PPFIBP1: variants seen among roughly 807,000 people sequenced by gnomAD.
The protein encoded by PPFIBP1 is PPFIB scaffold protein 1, also known as liprin-beta-1.
PPFIBP1 carries 112 observed loss-of-function variants against 137.8 expected under a neutral mutation model. The observed-to-expected ratio is 0.81, with a 90% confidence interval of 0.70 to 0.95. PPFIBP1 has a LOEUF of 0.95. PPFIBP1 is among the 40% of genes least tolerant of loss of function. PPFIBP1 has a pLI of 0.00. For synonymous variants in PPFIBP1, 378 were observed against 417.3 expected (o/e 0.91, Z 1.15); for missense variants, 1,083 against 1,196.6 (o/e 0.91, Z 1.40).
intron 2 of PPFIBP1, among the ~76,000 whole-genome samples, chr12:27,632,516 A>G (rs2057335380): frequency 6.6e-6 from 1 of 152,216 alleles, no homozygotes; most frequent in South Asian, 2.1e-4. Context: ...TTATCTCAAT[A>G]TATCTTTTAA....
Position 27,647,717 on chromosome 12 carries a change from C to A in PPFIBP1, c.358-12C>A. 1 of 1,550,184 alleles carries A rather than the reference C, an allele frequency of 6.5e-7. No individual in the cohort carries two copies. Among genetic ancestry groups the A allele is most frequent in the Non-Finnish European group, 8.7e-7 (1 of 1,146,024 alleles). ...CTTTTTCACTCATTGCATTATTTTG[C>A]TCTAAATACAGGTAAGTGTGTTAAC... On this transcript the variant is annotated splice_polypyrimidine_tract_variant and intron_variant, in intron 5 of 29. Transcript: ENST00000228425.
At chr12:27,647,684 C>T (rs1183994093) in intron 5 of PPFIBP1, 45 bp from the exon 6 acceptor site, 24 of 1,234,518 alleles carry the variant, frequency 1.9e-5, no homozygotes, top group Non-Finnish European at 2.6e-5. Context: ...TGCAGTGGGA[C>T]CCAAATTCTT....
At chr12:27,578,390 C>T (rs2050746716) in intron 2 of PPFIBP1, among the ~76,000 whole-genome samples, 151 bp downstream of exon 2, 1 of 152,168 alleles carries the variant, frequency 6.6e-6, no homozygotes, top group East Asian at 1.9e-4. Context: ...ATCTGCTCGC[C>T]CTTTTAAAAC....
rs1317340101 is a variant in PPFIBP1 at position 27,649,870 on chromosome 12, A to T, written c.472-140A>T. 1.9e-5 allele frequency: 15 copies of T among 793,032 alleles called. 1 individual carries two copies. In the Admixed American group the frequency reaches 3.6e-4, roughly 19 times the overall value. 49.1% of individuals were successfully genotyped at this position (793,032 alleles called of 1,614,324 possible). On this transcript the variant is annotated intron_variant, in intron 6 of 29. Coordinates refer to ENST00000228425, the MANE Select transcript of PPFIBP1 (RefSeq NM_003622.4). ...CCCAGCCTCAAGTGAATAATTTTTTAAAAGTGTGTAGATTCAGTAATTATA... is the reference window on the plus strand; with the variant it reads ...CCCAGCCTCAAGTGAATAATTTTTTTAAAGTGTGTAGATTCAGTAATTATA...
chr12:27,612,704 A>G (rs1419168816), intron 2 of PPFIBP1, among the ~76,000 whole-genome samples: 1 of 152,098 alleles, frequency 6.6e-6, no homozygotes, highest in Admixed American at 6.6e-5. Context: ...GTCATGTGCT[A>G]ATGTGACTGC....
intron 2 of PPFIBP1, among the ~76,000 whole-genome samples, chr12:27,587,212 A>G (rs2051870834): frequency 6.6e-6 from 1 of 152,216 alleles, no homozygotes; most frequent in Non-Finnish European, 1.5e-5. Flanking sequence ...GCGAGAATGA[A>G]TGAAGGAGTC....
At chr12:27,627,686 G>A (rs1029135921) in intron 2 of PPFIBP1, among the ~76,000 whole-genome samples, 33 of 152,224 alleles carry the variant, frequency 2.2e-4, no homozygotes, top group African/African-American at 7.9e-4. Context: ...AAATTATGGT[G>A]TCCTGCCAAT....
chr12:27,596,606 C>A lies in PPFIBP1; in HGVS notation c.-36+18367C>A, dbSNP rs1320558672. ...ATGCCATCATAACTCACTGCAGCCT[C>A]AAACTCCTGGCCTCAAGCAAACTTC... On this transcript the variant is annotated intron_variant, in intron 2 of 29. Coordinates refer to ENST00000228425, the MANE Select transcript of PPFIBP1 (RefSeq NM_003622.4). Among the ~76,000 whole-genome samples, 7 of 152,304 alleles carry A rather than the reference C, an allele frequency of 4.6e-5. No individual in the cohort carries two copies. In the East Asian group the frequency reaches 7.7e-4, roughly 17 times the overall value.
At chr12:27,546,981 G>A (rs964426108) in intron 1 of PPFIBP1, 3 of 152,412 alleles carry the variant, frequency 2.0e-5, no homozygotes, top group South Asian at 4.1e-4. Context: ...CAGCCTGGGA[G>A]ACAGAGTGAG....
chr12:27,543,092 A>T (rs1945841593), intron 1 of PPFIBP1, among the ~76,000 whole-genome samples: 1 of 152,198 alleles, frequency 6.6e-6, no homozygotes, highest in Non-Finnish European at 1.5e-5. Context: ...GTTAGATTTG[A>T]TGGGTCTTTA....
At chr12:27,630,371 CTT>C (rs2057174851) in intron 2 of PPFIBP1, among the ~76,000 whole-genome samples, 1 of 152,052 alleles carries the variant, frequency 6.6e-6, no homozygotes. Context: ...TGAATTAACA[CTT>C]ATCATTGTAA....
intron 27 of PPFIBP1, 106 bp downstream of exon 27, chr12:27,689,309 G>A (rs1282706614): frequency 2.8e-6 from 3 of 1,071,166 alleles, no homozygotes; most frequent in Non-Finnish European, 3.9e-6. Flanking sequence ...TTGTGGGTGG[G>A]TTCCTTACCA....
chr12:27,595,921 ATT>A (rs2053234896), intron 2 of PPFIBP1, among the ~76,000 whole-genome samples: 1 of 132,274 alleles, frequency 7.6e-6, no homozygotes, highest in African/African-American at 2.7e-5. Flanking sequence ...ATATATATAT[ATT>A]TTATGCCCAT....
chr12:27,676,939 C>G lies in PPFIBP1; in HGVS notation c.1583-125C>G. On this transcript the variant is annotated intron_variant, in intron 18 of 29. Coordinates refer to ENST00000228425, the MANE Select transcript of PPFIBP1 (RefSeq NM_003622.4). Reference sequence around the variant, plus strand: ...TGTGTAACATCAGAAGCACTGTGTGCCGCATGCCTCTCCTCCACGGTGTGT... The same window carrying G: ...TGTGTAACATCAGAAGCACTGTGTGGCGCATGCCTCTCCTCCACGGTGTGT... 4 of 1,218,824 alleles carry G rather than the reference C, an allele frequency of 3.3e-6. No homozygotes were observed. In the South Asian group the frequency reaches 5.0e-5, roughly 15 times the overall value. 75.5% of individuals were successfully genotyped at this position (1,218,824 alleles called of 1,614,324 possible). A position where few individuals can be genotyped will look rare whatever the true frequency, so the allele number is the denominator to read the frequency against.
In PPFIBP1 at chr12:27,541,668, C is replaced by T. The variant is rs368924717; in HGVS notation, c.-124+17303C>T. Among the ~76,000 whole-genome samples, 64 of 152,330 alleles carry T rather than the reference C, an allele frequency of 4.2e-4. No homozygotes were observed. The East Asian group carries it at 0.01, about 24-fold the overall frequency. ...AGCTGCACTAACTGTAGCTTGAAGA[C>T]GAAGGTAACAACTAGCACTTACCTG... On this transcript the variant is annotated intron_variant, in intron 1 of 29. Transcript: ENST00000228425.
chr12:27,626,598 ACT>A (rs2056837524), intron 2 of PPFIBP1, among the ~76,000 whole-genome samples: 1 of 150,672 alleles, frequency 6.6e-6, no homozygotes, highest in African/African-American at 2.4e-5. Context: ...ATGGAGTCTC[ACT>A]CTATCGCCCA....
At chr12:27,656,929 G>A (rs1240313795) in intron 9 of PPFIBP1, 199 bp downstream of exon 9, 2 of 470,946 alleles carry the variant, frequency 4.2e-6, no homozygotes, top group African/African-American at 4.0e-5. Context: ...TCAGCAGCTG[G>A]AAAAGGGGAA....
At chr12:27,647,941 C>T (rs1271877619) in intron 6 of PPFIBP1, 99 bp downstream of exon 6, 75 of 1,416,268 alleles carry the variant, frequency 5.3e-5, no homozygotes, top group Non-Finnish European at 6.6e-5. Context: ...CAGTAAGTTT[C>T]TTGATTCATT....
chr12:27,638,489 C>G (rs1245580819), intron 4 of PPFIBP1, among the ~76,000 whole-genome samples: 2 of 104,792 alleles, frequency 1.9e-5, no homozygotes, highest in Non-Finnish European at 4.3e-5. Context: ...GTCTGAAGCT[C>G]TGTGTCTTGG....
Sources: gnomAD v4.1 joint callset for allele counts (sites outside exome capture counted in the v4.1 genomes callset) on GRCh38, gnomAD v4.1.1 for gene constraint, MANE v1.5 for transcripts, NCBI Gene and HGNC (gene_info 2026-07-23, HGNC 2026-07-21) for gene names.